The following CPLX1 variants were observed in gnomAD, a reference collection of about 807,000 sequenced individuals.
The protein encoded by CPLX1 is complexin 1.
In CPLX1, 6 loss-of-function variants were observed where a neutral mutation model predicts 15.6. The ratio of observed to expected loss-of-function variants is 0.39; its 90% CI spans 0.21 to 0.76. The LOEUF (loss-of-function observed/expected upper bound fraction) is 0.76, where lower values mean the gene tolerates loss of function less well. Ranked by LOEUF, CPLX1 falls within the 30% of genes least tolerant of loss-of-function variation. The pLI is 0.43. For synonymous variants in CPLX1, 91 were observed against 75.2 expected (o/e 1.21, Z -1.08); for missense variants, 242 against 188.6 (o/e 1.28, Z -1.66).
intron 3 of CPLX1, among the ~76,000 whole-genome samples, chr4:789,770 G>C (rs987740096): frequency 1.3e-5 from 2 of 152,220 alleles, no homozygotes; most frequent in Non-Finnish European, 1.5e-5. Flanking sequence ...AAAGGACCCA[G>C]TCCCCATCTG....
intron 1 of CPLX1, among the ~76,000 whole-genome samples, chr4:825,528 C>A (rs1746962254): frequency 6.6e-6 from 1 of 151,958 alleles, no homozygotes; most frequent in South Asian, 2.1e-4. Flanking sequence ...CCGCAGGGCT[C>A]CGGCCCCGCC....
At chr4:807,729 C>T (rs1054775999) in intron 2 of CPLX1, among the ~76,000 whole-genome samples, 3 of 152,106 alleles carry the variant, frequency 2.0e-5, no homozygotes, top group Admixed American at 6.6e-5. Flanking sequence ...GGTGATCCGC[C>T]GTCCTCGGCC....
At chr4:794,111 G>A (rs767726234) in intron 2 of CPLX1, among the ~76,000 whole-genome samples, 10 of 152,258 alleles carry the variant, frequency 6.6e-5, no homozygotes, top group Non-Finnish European at 1.5e-4. Flanking sequence ...AGTCACTCAG[G>A]AGTGAGCTCC....
chr4:802,125 T>C (rs774033244), intron 2 of CPLX1, among the ~76,000 whole-genome samples: 25 of 152,206 alleles, frequency 1.6e-4, no homozygotes, highest in Non-Finnish European at 1.6e-4. Context: ...TAGTTTCATT[T>C]GTAACAGCCA....
intron 2 of CPLX1, among the ~76,000 whole-genome samples, chr4:793,380 G>T (rs1309715723): frequency 6.6e-6 from 1 of 152,152 alleles, no homozygotes; most frequent in Non-Finnish European, 1.5e-5. Context: ...GGCCCTAATT[G>T]CTCTGCGGTG....
intron 3 of CPLX1, chr4:787,703 C>T (rs1250397950): frequency 9.1e-6 from 9 of 985,290 alleles, no homozygotes; most frequent in Non-Finnish European, 9.6e-6. Flanking sequence ...TTCTTCTGCC[C>T]TCCAGGCCTC....
At chr4:819,605 C>T (rs17165046) in intron 2 of CPLX1, among the ~76,000 whole-genome samples, 8,495 of 152,340 alleles carry the variant, frequency 0.056, 337 homozygotes, top group East Asian at 0.16. Flanking sequence ...AGCGGTTCTG[C>T]ACCTAGAAAC....
chr4:806,759 C>CA (rs1746562252), intron 2 of CPLX1, among the ~76,000 whole-genome samples: 1 of 152,116 alleles, frequency 6.6e-6, no homozygotes. Context: ...AAATGCAAAT[C>CA]AAAACTACAA....
At chr4:800,060 C>G (rs1411399335) in intron 2 of CPLX1, among the ~76,000 whole-genome samples, 6 of 151,964 alleles carry the variant, frequency 3.9e-5, no homozygotes, top group East Asian at 1.9e-4. Context: ...GAGCCCTCAA[C>G]GTGGGGTTTC....
At chr4:788,313 C>G in intron 3 of CPLX1, 2 of 985,454 alleles carry the variant, frequency 2.0e-6, no homozygotes, top group Non-Finnish European at 2.4e-6. Context: ...CCTCTCCCCT[C>G]CCCTAGGGCT....
At chr4:790,454 C>A (rs1427852376) in intron 3 of CPLX1, among the ~76,000 whole-genome samples, 1 of 152,166 alleles carries the variant, frequency 6.6e-6, no homozygotes, top group Non-Finnish European at 1.5e-5. Context: ...TCCCCCTCTC[C>A]TGGGCCTCAC....
At chr4:799,840 G>A (rs1239853677) in intron 2 of CPLX1, among the ~76,000 whole-genome samples, 1 of 152,222 alleles carries the variant, frequency 6.6e-6, no homozygotes, top group African/African-American at 2.4e-5. Context: ...TTTAGCCTGA[G>A]CGACAGAGGC....
Position 816,213 on chromosome 4 carries a change from ATT to A in CPLX1, c.31+8277_31+8278del, listed in dbSNP as rs34183163. Among the ~76,000 whole-genome samples, 906 of 114,978 alleles carry A rather than the reference ATT, an allele frequency of 7.9e-3. 2 individuals carry two copies. Among genetic ancestry groups the A allele is most frequent in the African/African-American group, 0.028 (819 of 29,372 alleles). The allele number at this position is 114,978 out of a possible 152,430, so 75.4% of individuals were successfully genotyped here. A position where few individuals can be genotyped will look rare whatever the true frequency, so the allele number is the denominator to read the frequency against. ...TGGATCTGAAGGCATTCTCCGTGAAATTTTTTTTTTTTTTTTTTTTTTTGAGA... is the reference window on the plus strand; with the variant it reads ...TGGATCTGAAGGCATTCTCCGTGAAATTTTTTTTTTTTTTTTTTTTTGAGA... On this transcript the variant is annotated intron_variant, in intron 2 of 3. Coordinates refer to ENST00000304062, the MANE Select transcript of CPLX1 (RefSeq NM_006651.4).
At chr4:812,909 A>G (rs200746743) in intron 2 of CPLX1, among the ~76,000 whole-genome samples, 29 of 152,318 alleles carry the variant, frequency 1.9e-4, no homozygotes, top group African/African-American at 6.5e-4. Context: ...TTGTTTAAAC[A>G]TGATGGATTG....
At chr4:791,173 CGGGGCGG>C (rs907758074) in intron 3 of CPLX1, among the ~76,000 whole-genome samples, 5 of 84,744 alleles carry the variant, frequency 5.9e-5, no homozygotes, top group Admixed American at 2.0e-4. Flanking sequence ...GGGTCAGCTG[CGGGGCGG>C]GGGGCGGGGA....
At chr4:807,379 C>T (rs1250502095) in intron 2 of CPLX1, among the ~76,000 whole-genome samples, 2 of 152,200 alleles carry the variant, frequency 1.3e-5, no homozygotes, top group African/African-American at 2.4e-5. Flanking sequence ...GGCTTAATAC[C>T]TAGGTGATAG....
At chr4:819,788 G>A (rs577032970) in intron 2 of CPLX1, among the ~76,000 whole-genome samples, 1 of 152,360 alleles carries the variant, frequency 6.6e-6, no homozygotes, top group African/African-American at 2.4e-5. Flanking sequence ...AACAGATGAA[G>A]GGGTTGCCCC....
At chr4:790,312 A>AG (rs1387129773) in intron 3 of CPLX1, among the ~76,000 whole-genome samples, 1 of 152,180 alleles carries the variant, frequency 6.6e-6, no homozygotes, top group African/African-American at 2.4e-5. Flanking sequence ...TGAGGGGCTT[A>AG]GACCAAGGCA....
At chr4:822,502 G>C (rs1746890992) in intron 2 of CPLX1, among the ~76,000 whole-genome samples, 3 of 151,986 alleles carry the variant, frequency 2.0e-5, no homozygotes, top group African/African-American at 7.3e-5. Flanking sequence ...ACACATTCTT[G>C]TCTTTTTCTC....
Sources: gnomAD v4.1 joint callset for allele counts (sites outside exome capture counted in the v4.1 genomes callset) on GRCh38, gnomAD v4.1.1 for gene constraint, MANE v1.5 for transcripts, NCBI Gene and HGNC (gene_info 2026-07-23, HGNC 2026-07-21) for gene names.